MEGF10: variants seen among roughly 807,000 people sequenced by gnomAD.
The protein encoded by MEGF10 is multiple EGF like domains 10.
MEGF10 carries 86 observed loss-of-function variants against 147.5 expected under a neutral mutation model. The ratio of observed to expected loss-of-function variants is 0.58; its 90% confidence interval spans 0.49 to 0.70. The LOEUF (loss-of-function observed/expected upper bound fraction) is 0.70, where lower values mean the gene tolerates loss of function less well. MEGF10 is among the 30% of genes least tolerant of loss of function. The probability of loss-of-function intolerance (pLI) is 0.00; values close to 1 mark genes in which losing one functional copy is unlikely to be tolerated. For synonymous variants in MEGF10, 478 were observed against 525.5 expected (o/e 0.91, Z 1.24); for missense variants, 1,329 against 1,487.3 (o/e 0.89, Z 1.75).
intron 7 of MEGF10, among the ~76,000 whole-genome samples, chr5:127,402,227 A>G (rs944788594): frequency 6.6e-6 from 1 of 152,208 alleles, no homozygotes; most frequent in Non-Finnish European, 1.5e-5. Flanking sequence ...GGATTTATAC[A>G]TTCCTTAGGT....
At chr5:127,349,286 T>G (rs1318645091) in intron 4 of MEGF10, among the ~76,000 whole-genome samples, 2 of 152,294 alleles carry the variant, frequency 1.3e-5, no homozygotes, top group East Asian at 3.9e-4. Flanking sequence ...TTGGTTTAAT[T>G]TTTAATATAA....
rs1439447355 is a variant in MEGF10, at chr5:127,298,560, T to C, written c.-19+7504T>C. Among the ~76,000 whole-genome samples the C allele has an allele frequency of 2.0e-5, 3 of 152,318 alleles. No individual in the cohort carries two copies. In the East Asian group the frequency reaches 5.8e-4, roughly 29 times the overall value. The stretch of plus-strand genomic sequence containing the variant: ...AGATTTTGATTCGGTAGGTGCGTAG[T>C]GGGGTCCCAGGATGTGTATTTTTAA... On this transcript the variant is annotated intron_variant, in intron 1 of 24. Coordinates refer to ENST00000503335, the MANE Select transcript of MEGF10 (RefSeq NM_001256545.2).
intron 16 of MEGF10, among the ~76,000 whole-genome samples, chr5:127,437,251 A>T (rs1308062394): frequency 6.6e-6 from 1 of 152,246 alleles, no homozygotes; most frequent in Non-Finnish European, 1.5e-5. Context: ...CTAACAAATA[A>T]CAAATATTAT....
chr5:127,456,626 G>A (rs1712956094), intron 24 of MEGF10, among the ~76,000 whole-genome samples: 2 of 152,244 alleles, frequency 1.3e-5, no homozygotes, highest in East Asian at 3.9e-4. Flanking sequence ...AAGTCAAAGT[G>A]AACTAAATTT....
At chr5:127,294,753 C>A (rs765650627) in intron 1 of MEGF10, among the ~76,000 whole-genome samples, 2 of 150,864 alleles carry the variant, frequency 1.3e-5, no homozygotes, top group Non-Finnish European at 2.9e-5. Flanking sequence ...GAGCTGAGAT[C>A]GCGACACTGC....
chr5:127,231,658 G>C, the MEGF10 span, among the ~76,000 whole-genome samples: 26 of 151,572 alleles, frequency 1.7e-4, no homozygotes, highest in African/African-American at 5.9e-4. Flanking sequence ...CCAAGGCTTA[G>C]ACCAAGGCCT....
intron 9 of MEGF10, among the ~76,000 whole-genome samples, chr5:127,413,156 A>C (rs1301048975): frequency 1.3e-5 from 2 of 152,316 alleles, no homozygotes; most frequent in African/African-American, 4.8e-5. Flanking sequence ...ATGGAGCTGA[A>C]ATGAATTTAA....
chr5:127,258,212 T>C, the MEGF10 span, among the ~76,000 whole-genome samples: 2 of 152,204 alleles, frequency 1.3e-5, no homozygotes, highest in Non-Finnish European at 2.9e-5. Flanking sequence ...CAAGTGACTT[T>C]TATGTTAGCA....
At chr5:127,282,474 T>C in the MEGF10 span, among the ~76,000 whole-genome samples, 1 of 152,160 alleles carries the variant, frequency 6.6e-6, no homozygotes, top group Non-Finnish European at 1.5e-5. Context: ...ATGCCCATGG[T>C]TCCCCAAAAT....
chr5:127,376,367 G>A (rs1301711268), intron 5 of MEGF10, among the ~76,000 whole-genome samples: 1 of 152,160 alleles, frequency 6.6e-6, no homozygotes, highest in Non-Finnish European at 1.5e-5. Flanking sequence ...GTGGATTGCG[G>A]AATAGAGGCA....
chr5:127,352,713 C>A (rs1305533357), intron 4 of MEGF10, among the ~76,000 whole-genome samples: 1 of 152,040 alleles, frequency 6.6e-6, no homozygotes, highest in Non-Finnish European at 1.5e-5. Context: ...TGTATTTTGG[C>A]TTTAGGGCCA....
At chr5:127,433,219 G>A (rs1765445138) in intron 13 of MEGF10, 144 bp from the exon 14 acceptor site, 3 of 908,570 alleles carry the variant, frequency 3.3e-6, no homozygotes, top group Non-Finnish European at 5.1e-6. Flanking sequence ...GTGTATTGAT[G>A]TTTATAAGAT....
chr5:127,272,589 CCTCT>C, the MEGF10 span, among the ~76,000 whole-genome samples: 1 of 152,252 alleles, frequency 6.6e-6, no homozygotes, highest in Middle Eastern at 3.4e-3. Flanking sequence ...TTGTTTCTGT[CCTCT>C]CTGATTTCCT....
In MEGF10 at chr5:127,395,670, G is replaced by A. The variant is rs377384187; in HGVS notation, c.413-862G>A. ...CGCCATTCTCCTGCCTCAGCCTCCC[G>A]AGTAGCTGGGACTACAGGCGCCCGC... On this transcript the variant is annotated intron_variant, in intron 5 of 24. Transcript: ENST00000503335. 1.0e-4 allele frequency among the ~76,000 whole-genome samples: 15 copies of A among 148,230 alleles called. No homozygotes were observed. In the East Asian group the frequency reaches 2.2e-3, roughly 22 times the overall value.
chr5:127,334,016 T>C (rs1761372358), intron 2 of MEGF10, among the ~76,000 whole-genome samples: 1 of 152,102 alleles, frequency 6.6e-6, no homozygotes, highest in Non-Finnish European at 1.5e-5. Flanking sequence ...TACTGATAAA[T>C]TTTCTGTTGT....
intron 22 of MEGF10, among the ~76,000 whole-genome samples, chr5:127,454,201 A>C (rs563782573): frequency 6.6e-6 from 1 of 152,228 alleles, no homozygotes; most frequent in East Asian, 1.9e-4. Flanking sequence ...TTTGAAAACC[A>C]TCAGAGCCTT....
chr5:127,372,717 TTA>T lies in MEGF10; in HGVS notation c.412+2717_412+2718del, dbSNP rs573570998. Among the ~76,000 whole-genome samples the T allele has an allele frequency of 2.0e-3, 308 of 152,292 alleles. 2 individuals are homozygous for T. The highest frequency in any genetic ancestry group is 7.1e-3 in the African/African-American group (293 of 41,560). Reference sequence around the variant, plus strand: ...TGCTTTTCTCATGATCAGACATGGGTTATGAGTTTTGAAGAGAATACCAGAAT... The same window carrying T: ...TGCTTTTCTCATGATCAGACATGGGTTGAGTTTTGAAGAGAATACCAGAAT... On this transcript the variant is annotated intron_variant, in intron 5 of 24. Transcript: ENST00000503335.
Position 127,449,761 on chromosome 5 carries a change from G to A in MEGF10, c.2980+539G>A, listed in dbSNP as rs575385894. 8.1e-4 allele frequency among the ~76,000 whole-genome samples: 124 copies of A among 152,268 alleles called. 1 individual carries two copies. The highest frequency in any genetic ancestry group is 2.8e-3 in the African/African-American group (116 of 41,544). ...AATCAGAGATACCAACAGGAATACA[G>A]TGGATCAGTGGTTCGGGCAACTTTT... On this transcript the variant is annotated intron_variant, in intron 22 of 24. Transcript: ENST00000503335.
At position 127,417,676 on chromosome 5, in the gene MEGF10, G is replaced by T; in HGVS notation, c.1169G>T (p.Gly390Val). Residue 390 changes from glycine (G) to valine (V), a missense_variant, in exon 10 of 25, where the codon GGC (glycine) becomes GTC (valine). This residue lies in a region of MEGF10 where 980 missense variants were observed against 1,085.9 expected (regional missense o/e 0.90). Transcript: ENST00000503335. ...PMSGECACKP[G>V]WSGLYCNETC... ...TCTGGAGAGTGTGCCTGCAAGCCGGGCTGGTCAGGACTCTACTGTAATGAG... is the reference window on the plus strand; with the variant it reads ...TCTGGAGAGTGTGCCTGCAAGCCGGTCTGGTCAGGACTCTACTGTAATGAG... The T allele has an allele frequency of 6.2e-7, 1 of 1,614,156 alleles. No individual in the cohort carries two copies. The highest frequency in any genetic ancestry group is 2.2e-5 in the East Asian group (1 of 44,874).
Sources: allele counts gnomAD v4.1 joint callset (sites outside exome capture counted in the v4.1 genomes callset), GRCh38; gene constraint gnomAD v4.1.1; regional missense constraint gnomAD v4.1.1; transcripts MANE v1.5; gene names NCBI Gene and HGNC (gene_info 2026-07-23, HGNC 2026-07-21).